ORC5: variants seen among roughly 807,000 people sequenced by gnomAD.
ORC5 encodes the protein protein phosphatase 1, regulatory subunit 117.
In ORC5, 39 loss-of-function variants were observed where a neutral mutation model predicts 58.8. That is an observed-to-expected ratio of 0.66 (90% confidence interval 0.51 to 0.87). The LOEUF (loss-of-function observed/expected upper bound fraction) is 0.87, where lower values mean the gene tolerates loss of function less well. Ranked by LOEUF, ORC5 falls within the 40% of genes least tolerant of loss-of-function variation. ORC5 has a pLI of 0.00. For synonymous variants in ORC5, 218 were observed against 177.6 expected (o/e 1.23, Z -1.81); for missense variants, 493 against 506.3 (o/e 0.97, Z 0.25).
At chr7:104,141,862 G>A (rs900761671) in intron 12 of ORC5, among the ~76,000 whole-genome samples, 1 of 152,116 alleles carries the variant, frequency 6.6e-6, no homozygotes, top group Non-Finnish European at 1.5e-5. Context: ...TTCAAGGACT[G>A]GAAGAATTAT....
At chr7:104,142,740 G>C (rs572663640) in intron 12 of ORC5, among the ~76,000 whole-genome samples, 1 of 152,258 alleles carries the variant, frequency 6.6e-6, no homozygotes, top group African/African-American at 2.4e-5. Flanking sequence ...CATGAAATGA[G>C]GTTTAAAGAA....
intron 6 of ORC5, among the ~76,000 whole-genome samples, chr7:104,185,152 TGATA>T (rs142963692): frequency 0.044 from 6,770 of 152,152 alleles, 493 homozygotes; most frequent in African/African-American, 0.15. Context: ...GGTGAGGGGT[TGATA>T]GATGCAGCAA....
At chr7:104,154,171 T>C (rs1033117076) in intron 12 of ORC5, among the ~76,000 whole-genome samples, 1 of 152,092 alleles carries the variant, frequency 6.6e-6, no homozygotes, top group Non-Finnish European at 1.5e-5. Context: ...ATATACTGAT[T>C]ACTTCTCCAT....
chr7:104,143,505 T>C (rs994535190), intron 12 of ORC5, among the ~76,000 whole-genome samples: 13 of 152,172 alleles, frequency 8.5e-5, no homozygotes, highest in Admixed American at 2.0e-4. Flanking sequence ...AAATTAATCA[T>C]GTAAATTGTG....
intron 12 of ORC5, among the ~76,000 whole-genome samples, chr7:104,143,766 T>C (rs1038740956): frequency 6.6e-6 from 1 of 152,218 alleles, no homozygotes; most frequent in African/African-American, 2.4e-5. Context: ...AATATTCATA[T>C]ATATAAATTG....
At chr7:104,196,503 C>T (rs1187319432) in intron 4 of ORC5, among the ~76,000 whole-genome samples, 1 of 152,144 alleles carries the variant, frequency 6.6e-6, no homozygotes, top group African/African-American at 2.4e-5. Context: ...ACTTATTATC[C>T]TGTCCTCTCT....
intron 9 of ORC5, 30 bp downstream of exon 9, chr7:104,168,443 C>G (rs201585797): frequency 6.2e-7 from 1 of 1,604,864 alleles, no homozygotes; most frequent in Admixed American, 1.7e-5. Flanking sequence ...GAAGTATCTC[C>G]GGTAACTGTC....
At chr7:104,176,600 G>GTGTCTA (rs1799327153) in intron 8 of ORC5, among the ~76,000 whole-genome samples, 1 of 152,012 alleles carries the variant, frequency 6.6e-6, no homozygotes, top group African/African-American at 2.4e-5. Context: ...TATAATGGAC[G>GTGTCTA]TGTCTAGCCT....
At chr7:104,153,939 T>C (rs1281619962) in intron 12 of ORC5, among the ~76,000 whole-genome samples, 3 of 152,248 alleles carry the variant, frequency 2.0e-5, no homozygotes, top group Admixed American at 6.5e-5. Context: ...AATATAAATA[T>C]TATGTAATAT....
intron 8 of ORC5, among the ~76,000 whole-genome samples, chr7:104,168,729 C>T (rs2058721): frequency 0.68 from 102,840 of 151,624 alleles, 35,632 homozygotes; most frequent in Non-Finnish European, 0.76. Context: ...TAAAGCAATA[C>T]CTAGATATTA....
At chr7:104,182,388 AG>A (rs1195652460) in intron 8 of ORC5, among the ~76,000 whole-genome samples, 1 of 152,206 alleles carries the variant, frequency 6.6e-6, no homozygotes, top group Non-Finnish European at 1.5e-5. Context: ...TTCACTTGAT[AG>A]GATAATGGTA....
intron 11 of ORC5, among the ~76,000 whole-genome samples, chr7:104,161,782 C>T (rs892982960): frequency 5.9e-5 from 9 of 152,150 alleles, no homozygotes; most frequent in African/African-American, 2.2e-4. Flanking sequence ...CGGTCTAGTC[C>T]TAAATATGCC....
At chr7:104,179,524 C>T (rs894902440) in intron 8 of ORC5, among the ~76,000 whole-genome samples, 3 of 151,220 alleles carry the variant, frequency 2.0e-5, no homozygotes, top group Non-Finnish European at 1.5e-5. Context: ...CTTTGGTCCA[C>T]TATATTAGAA....
intron 8 of ORC5, among the ~76,000 whole-genome samples, chr7:104,169,337 C>T (rs1799168074): frequency 1.3e-5 from 2 of 151,720 alleles, no homozygotes; most frequent in Admixed American, 1.3e-4. Context: ...TTTTAATTGC[C>T]CCATCCTGGA....
intron 2 of ORC5, among the ~76,000 whole-genome samples, chr7:104,203,391 G>C (rs556429643): frequency 1.3e-4 from 20 of 152,282 alleles, no homozygotes; most frequent in Non-Finnish European, 4.4e-5. Context: ...TGGTCCACAA[G>C]CACAAAATGT....
At chr7:104,191,147 C>G (rs540533030) in intron 5 of ORC5, among the ~76,000 whole-genome samples, 157 of 146,866 alleles carry the variant, frequency 1.1e-3, no homozygotes, top group African/African-American at 3.8e-3. Flanking sequence ...CAAAACTTCC[C>G]TGTAGAGTCC....
At position 104,138,514 on chromosome 7, in the gene ORC5, CT is replaced by C. The variant is rs538421565; in HGVS notation, c.1150-1622del. On this transcript the variant is annotated intron_variant, in intron 12 of 13. Coordinates refer to ENST00000297431, the MANE Select transcript of ORC5 (RefSeq NM_002553.4). This position sits in a 1 kb window ranked among gnomAD's most constrained non-coding sequence, Gnocchi z 4.7. The stretch of plus-strand genomic sequence containing the variant: ...AAAACTTTCTTTCCTTCTTTTCTTT[CT>C]TTTTTTTTTTCTGAGGCAGGGTCTC... Among the ~76,000 whole-genome samples the C allele has an allele frequency of 2.0e-4, 30 of 146,440 alleles. No homozygotes were observed. Among genetic ancestry groups the C allele is most frequent in the South Asian group, 2.2e-4 (1 of 4,630 alleles).
intron 13 of ORC5, among the ~76,000 whole-genome samples, chr7:104,130,461 G>A (rs895927217): frequency 3.3e-5 from 5 of 151,938 alleles, no homozygotes; most frequent in Admixed American, 6.6e-5. Flanking sequence ...CTGTACCCCC[G>A]GACAGTTCTG....
At chr7:104,157,606 T>TAC (rs1798948095) in intron 12 of ORC5, among the ~76,000 whole-genome samples, 1 of 152,120 alleles carries the variant, frequency 6.6e-6, no homozygotes, top group African/African-American at 2.4e-5. Flanking sequence ...ACTGCGGACA[T>TAC]TGTTCATCAT....
Sources: allele counts gnomAD v4.1 joint callset (sites outside exome capture counted in the v4.1 genomes callset), GRCh38; gene constraint gnomAD v4.1.1; non-coding constraint Gnocchi (gnomAD v3.1); transcripts MANE v1.5; gene names NCBI Gene and HGNC (gene_info 2026-07-23, HGNC 2026-07-21).